Variants in GPC6 observed in about 807,000 individuals in gnomAD.
GPC6 encodes glypican 6.
Under a neutral mutation model 55.2 loss-of-function variants are expected in GPC6, and 14 were observed. The observed-to-expected ratio is 0.25, with a 90% CI of 0.17 to 0.40. The LOEUF is 0.40. Among genes scored for constraint, GPC6 ranks in the 10% least tolerant of loss-of-function variants. The pLI, the probability that GPC6 is intolerant of heterozygous loss-of-function variation, is 1.00. For synonymous variants in GPC6, 278 were observed against 259.6 expected (o/e 1.07, Z -0.68); for missense variants, 641 against 708.5 (o/e 0.90, Z 1.08).
chr13:93,416,638 T>C (rs1458207101), intron 1 of GPC6, among the ~76,000 whole-genome samples: 1 of 152,120 alleles, frequency 6.6e-6, no homozygotes, highest in African/African-American at 2.4e-5. Context: ...GTAGGTCTTA[T>C]ACATTCTTCG....
At chr13:93,429,225 T>C (rs1877263347) in intron 1 of GPC6, among the ~76,000 whole-genome samples, 1 of 152,122 alleles carries the variant, frequency 6.6e-6, no homozygotes, top group African/African-American at 2.4e-5. Flanking sequence ...GCAATACTCA[T>C]ACATATTCTC....
intron 1 of GPC6, among the ~76,000 whole-genome samples, chr13:93,331,066 T>TG (rs780044066): frequency 7.5e-4 from 114 of 152,274 alleles, no homozygotes; most frequent in Non-Finnish European, 1.2e-3. Flanking sequence ...AGGAGGTCTT[T>TG]GGGGGCTCTA....
At chr13:94,220,290 T>C (rs1890345320) in intron 4 of GPC6, among the ~76,000 whole-genome samples, 1 of 152,106 alleles carries the variant, frequency 6.6e-6, no homozygotes, top group Non-Finnish European at 1.5e-5. Flanking sequence ...CCAAACTACA[T>C]GAGTACCATC....
intron 3 of GPC6, among the ~76,000 whole-genome samples, chr13:93,971,703 T>C (rs1880289000): frequency 1.3e-5 from 2 of 152,186 alleles, no homozygotes; most frequent in African/African-American, 2.4e-5. Flanking sequence ...AAAACACATG[T>C]AGCCAGTGTG....
chr13:93,454,700 G>T (rs1427264717), intron 1 of GPC6, among the ~76,000 whole-genome samples: 7 of 152,264 alleles, frequency 4.6e-5, no homozygotes, highest in African/African-American at 1.7e-4. Flanking sequence ...GGCCCCACCA[G>T]ACTCAGGAGC....
At chr13:94,154,855 G>T (rs1363253408) in intron 4 of GPC6, among the ~76,000 whole-genome samples, 1 of 152,132 alleles carries the variant, frequency 6.6e-6, no homozygotes, top group Non-Finnish European at 1.5e-5. Flanking sequence ...TTCTTTTAAA[G>T]TATGTATCTT....
intron 2 of GPC6, among the ~76,000 whole-genome samples, chr13:93,679,031 A>G (rs1881751148): frequency 6.6e-6 from 1 of 151,856 alleles, no homozygotes; most frequent in Non-Finnish European, 1.5e-5. Flanking sequence ...CTCTATTCTG[A>G]TTTTCATTTT....
chr13:94,200,056 T>C (rs1015079829), intron 4 of GPC6, among the ~76,000 whole-genome samples: 43 of 151,532 alleles, frequency 2.8e-4, no homozygotes, highest in African/African-American at 1.0e-3. Flanking sequence ...CTTGAGAGGC[T>C]GAGGCAGGAG....
intron 1 of GPC6, among the ~76,000 whole-genome samples, chr13:93,411,784 T>C (rs1876502845): frequency 6.6e-6 from 1 of 152,038 alleles, no homozygotes; most frequent in Non-Finnish European, 1.5e-5. Context: ...GTCTATCACC[T>C]GAGGTCAGGA....
At chr13:93,627,169 A>G (rs528279395) in intron 2 of GPC6, among the ~76,000 whole-genome samples, 2 of 151,986 alleles carry the variant, frequency 1.3e-5, no homozygotes, top group African/African-American at 2.4e-5. Flanking sequence ...CCACCCCCCA[A>G]TAGGCCCTGG....
intron 4 of GPC6, among the ~76,000 whole-genome samples, chr13:94,071,546 C>A (rs1884735971): frequency 6.6e-6 from 1 of 152,128 alleles, no homozygotes; most frequent in South Asian, 2.1e-4. Context: ...CTTTGACAAT[C>A]AGGAGGCTGT....
chr13:93,949,646 T>C (rs767150846), intron 3 of GPC6, among the ~76,000 whole-genome samples: 5 of 152,144 alleles, frequency 3.3e-5, no homozygotes, highest in Non-Finnish European at 7.4e-5. Context: ...AAAATAAAAA[T>C]GTCTAAGAAA....
intron 2 of GPC6, among the ~76,000 whole-genome samples, chr13:93,707,063 A>T (rs1001844568): frequency 6.6e-6 from 1 of 151,818 alleles, no homozygotes; most frequent in Non-Finnish European, 1.5e-5. Flanking sequence ...TCCTAACATT[A>T]TCTGCTTGGG....
At chr13:93,824,542 G>A (rs934219668) in intron 2 of GPC6, among the ~76,000 whole-genome samples, 1 of 152,102 alleles carries the variant, frequency 6.6e-6, no homozygotes, top group Admixed American at 6.5e-5. Context: ...GACAGGCAGA[G>A]TTTGGAGAGA....
At chr13:93,222,916 T>G (rs1394816084), upstream of GPC6, among the ~76,000 whole-genome samples, 1 of 152,124 alleles carries the variant, frequency 6.6e-6, no homozygotes, top group Non-Finnish European at 1.5e-5. Context: ...TTGTCTGTCT[T>G]CTAGCAATGT....
chr13:93,964,987 A>G (rs1422032426), intron 3 of GPC6, among the ~76,000 whole-genome samples: 1 of 152,114 alleles, frequency 6.6e-6, no homozygotes, highest in Non-Finnish European at 1.5e-5. Context: ...ACCATATAAA[A>G]AGAGACAGCA....
In GPC6 at chr13:94,407,342, T is replaced by A. The variant is rs928238874; in HGVS notation, c.*4125T>A. Reference sequence around the variant, plus strand: ...ATATTATTTGGGTTAAGATTTTTCATTTCTGATTTGGATAGAAAATTGCTA... The same window carrying A: ...ATATTATTTGGGTTAAGATTTTTCAATTCTGATTTGGATAGAAAATTGCTA... On this transcript the variant is annotated 3_prime_UTR_variant, in exon 9 of 9. Coordinates refer to ENST00000377047, the MANE Select transcript of GPC6 (RefSeq NM_005708.5). 3 of 152,152 alleles carry A rather than the reference T, an allele frequency of 2.0e-5. No homozygotes were observed. Among genetic ancestry groups the A allele is most frequent in the African/African-American group, 7.2e-5 (3 of 41,444 alleles). The allele number at this position is 152,152 out of a possible 1,614,324, so 9.4% of individuals were successfully genotyped here. A position where few individuals can be genotyped will look rare whatever the true frequency, so the allele number is the denominator to read the frequency against.
rs545578327 is a variant in GPC6 at position 93,931,765 on chromosome 13, G to GAA, written c.712-95942_712-95941dup. Among the ~76,000 whole-genome samples, 308 of 48,126 alleles carry GAA rather than the reference G, an allele frequency of 6.4e-3. 2 individuals carry two copies. The highest frequency in any genetic ancestry group is 0.012 in the Middle Eastern group (1 of 84). 31.6% of individuals were successfully genotyped at this position (48,126 alleles called of 152,430 possible). Reference sequence around the variant, plus strand: ...GGAGACAGAGCAAGACTCTGTCTCAGAAAAAAAAAAAAAAAAAAAAAAAGA... The same window carrying GAA: ...GGAGACAGAGCAAGACTCTGTCTCAGAAAAAAAAAAAAAAAAAAAAAAAAAGA... On this transcript the variant is annotated intron_variant, in intron 3 of 8. Coordinates refer to ENST00000377047, the MANE Select transcript of GPC6 (RefSeq NM_005708.5).
intron 4 of GPC6, among the ~76,000 whole-genome samples, chr13:94,264,690 A>C (rs1891743376): frequency 6.6e-6 from 1 of 152,236 alleles, no homozygotes; most frequent in Non-Finnish European, 1.5e-5. Context: ...GTAAAATTTA[A>C]AAAGAGGTAT....
Sources: allele counts gnomAD v4.1 joint callset (sites outside exome capture counted in the v4.1 genomes callset), GRCh38; gene constraint gnomAD v4.1.1; transcripts MANE v1.5; gene names NCBI Gene and HGNC (gene_info 2026-07-23, HGNC 2026-07-21).